Variants in MAST2 observed in about 807,000 individuals in gnomAD.
MAST2 encodes the protein microtubule-associated serine/threonine-protein kinase 2.
Under a neutral mutation model 147.4 loss-of-function variants are expected in MAST2, and 70 were observed. The observed-to-expected ratio is 0.47, with a 90% confidence interval of 0.39 to 0.58. The LOEUF is 0.58. Ranked by LOEUF, MAST2 falls within the 20% of genes least tolerant of loss-of-function variation. MAST2 has a pLI of 0.00. For missense variants in MAST2, 2,080 were observed against 2,302.3 expected (o/e 0.90, Z 1.98); for synonymous variants, 869 against 896.8 (o/e 0.97, Z 0.55).
intron 15 of MAST2, chr1:46,024,295 A>C (rs1646311361): frequency 2.9e-6 from 1 of 349,272 alleles, no homozygotes; most frequent in Non-Finnish European, 5.5e-6. Flanking sequence ...GAGCTACAAA[A>C]GCCCAGGATT....
At position 46,035,109 on chromosome 1, in the gene MAST2, C is replaced by T. The variant is rs1646847076; in HGVS notation, c.4440C>T (p.Thr1480=). 2.5e-6 allele frequency: 4 copies of T among 1,613,480 alleles called. No individual in the cohort carries two copies. Among genetic ancestry groups the T allele is most frequent in the Non-Finnish European group, 3.4e-6 (4 of 1,179,964 alleles). Residue 1480 remains threonine, a synonymous_variant, in exon 29 of 29, where the codon ACC becomes ACT. Transcript: ENST00000361297. This position sits in a 1 kb window ranked among gnomAD's most constrained non-coding sequence, Gnocchi z 5.5. The part of the protein sequence containing the change: ...LQPAPSRALG[T]LRQDRAERRE... ...CTGCTCCCTCACGGGCCCTAGGCAC[C>T]CTCCGGCAGGACCGAGCCGAACGAC... is the stretch of plus-strand genomic sequence containing the variant.
intron 18 of MAST2, 31 bp downstream of exon 18, chr1:46,028,964 AAC>A: frequency 2.6e-6 from 4 of 1,528,592 alleles, no homozygotes; most frequent in Non-Finnish European, 2.6e-6. Flanking sequence ...CCAGTGGGGA[AAC>A]AGAGTCTGAA....
intron 3 of MAST2, among the ~76,000 whole-genome samples, chr1:45,835,570 T>C (rs1480691680): frequency 2.6e-5 from 4 of 151,898 alleles, no homozygotes; most frequent in Admixed American, 2.6e-4. Flanking sequence ...TCATTTTGGG[T>C]GCCATATTAT....
intron 10 of MAST2, among the ~76,000 whole-genome samples, chr1:46,016,172 A>T (rs1231709410): frequency 6.9e-6 from 1 of 145,782 alleles, no homozygotes; most frequent in Non-Finnish European, 1.5e-5. Flanking sequence ...GATGGGATGT[A>T]TCTCAAAATA....
intron 3 of MAST2, among the ~76,000 whole-genome samples, chr1:45,839,283 C>T (rs1016084008): frequency 1.3e-5 from 2 of 152,196 alleles, no homozygotes; most frequent in African/African-American, 4.8e-5. Context: ...TGCCTGCCAC[C>T]ATGCCTGGCT....
chr1:46,030,464 C>A, intron 21 of MAST2, 143 bp from the exon 22 acceptor site: 1 of 1,044,376 alleles, frequency 9.6e-7, no homozygotes, highest in South Asian at 1.6e-5. Context: ...TAACTCCTTC[C>A]CCAAATATTC....
chr1:45,824,126 T>C (rs1644719997), intron 1 of MAST2, among the ~76,000 whole-genome samples: 1 of 152,202 alleles, frequency 6.6e-6, no homozygotes, highest in Non-Finnish European at 1.5e-5. Context: ...AATAAAAGGA[T>C]AAACATAAAT....
chr1:46,029,666 C>T, intron 19 of MAST2, 99 bp downstream of exon 19: 3 of 1,368,716 alleles, frequency 2.2e-6, no homozygotes, highest in South Asian at 1.3e-5. Flanking sequence ...ACGGGCAGCC[C>T]CTCTGGATCC....
At chr1:46,013,463 C>T (rs1200599241) in intron 10 of MAST2, among the ~76,000 whole-genome samples, 7 of 152,088 alleles carry the variant, frequency 4.6e-5, no homozygotes, top group African/African-American at 1.7e-4. Context: ...GGCAGATCAC[C>T]TGAGGTCGGG....
At chr1:45,907,825 C>T (rs766087557) in intron 4 of MAST2, among the ~76,000 whole-genome samples, 4 of 152,114 alleles carry the variant, frequency 2.6e-5, no homozygotes, top group Non-Finnish European at 5.9e-5. Context: ...TAGTATTGTT[C>T]ATTTGTGTCT....
intron 1 of MAST2, among the ~76,000 whole-genome samples, chr1:45,811,945 T>G (rs1248673861): frequency 6.6e-6 from 1 of 152,112 alleles, no homozygotes; most frequent in East Asian, 1.9e-4. Context: ...AATTTTTGTA[T>G]TTTTAGTAAA....
At chr1:46,014,542 A>G (rs1645853080) in intron 10 of MAST2, among the ~76,000 whole-genome samples, 1 of 152,040 alleles carries the variant, frequency 6.6e-6, no homozygotes, top group East Asian at 1.9e-4. Context: ...TCCATGGTGT[A>G]TATGTGCCAC....
chr1:45,818,368 G>C (rs1483842393), intron 1 of MAST2, among the ~76,000 whole-genome samples: 1 of 152,174 alleles, frequency 6.6e-6, no homozygotes, highest in Admixed American at 6.5e-5. Flanking sequence ...CTTCTTCTCA[G>C]TCCAGCCACT....
At chr1:45,957,628 T>A (rs4382655) in intron 4 of MAST2, among the ~76,000 whole-genome samples, 121,172 of 152,006 alleles carry the variant, frequency 0.8, 48,753 homozygotes, top group East Asian at 0.98. Context: ...TGCCCAGCTA[T>A]TTTTTTTTAA....
intron 5 of MAST2, among the ~76,000 whole-genome samples, chr1:45,994,514 T>G (rs1644978153): frequency 6.6e-6 from 1 of 151,978 alleles, no homozygotes; most frequent in African/African-American, 2.4e-5. Flanking sequence ...CTTGAACCCC[T>G]AACCTCAGGC....
intron 4 of MAST2, among the ~76,000 whole-genome samples, chr1:45,957,779 CA>C (rs1659853533): frequency 6.6e-6 from 1 of 152,168 alleles, no homozygotes; most frequent in Non-Finnish European, 1.5e-5. Context: ...AATGAGGCCC[CA>C]CTTGATGTTT....
chr1:46,022,156 GGAAAA>G, intron 12 of MAST2, 74 bp downstream of exon 12: 1 of 1,582,126 alleles, frequency 6.3e-7, no homozygotes, highest in South Asian at 1.1e-5. Context: ...GAAGCTGCTT[GGAAAA>G]GAGACTTAGC....
intron 3 of MAST2, among the ~76,000 whole-genome samples, chr1:45,832,539 C>A (rs1455967429): frequency 6.6e-6 from 1 of 152,156 alleles, no homozygotes; most frequent in South Asian, 2.1e-4. Context: ...AGTGATCCAC[C>A]GGCCTTGGCC....
intron 4 of MAST2, among the ~76,000 whole-genome samples, chr1:45,957,653 A>G (rs1659839604): frequency 1.3e-5 from 2 of 151,954 alleles, no homozygotes; most frequent in South Asian, 4.2e-4. Flanking sequence ...TATTTTCTGT[A>G]CAGATTTGAG....
Sources: gnomAD v4.1 joint callset for allele counts (sites outside exome capture counted in the v4.1 genomes callset) on GRCh38, gnomAD v4.1.1 for gene constraint, Gnocchi (gnomAD v3.1) non-coding constraint, MANE v1.5 for transcripts, NCBI Gene and HGNC (gene_info 2026-07-23, HGNC 2026-07-21) for gene names.